The following CPNE9 variants were observed in gnomAD, a reference collection of about 807,000 sequenced individuals.
CPNE9 encodes copine-9.
CPNE9 carries 59 observed loss-of-function variants against 83.0 expected under a neutral mutation model. The ratio of observed to expected loss-of-function variants is 0.71; its 90% confidence interval spans 0.58 to 0.88. The LOEUF is 0.88. CPNE9 is among the 40% of genes least tolerant of loss of function. The probability of loss-of-function intolerance (pLI) is 0.00; values close to 1 mark genes in which losing one functional copy is unlikely to be tolerated. For missense variants in CPNE9, 619 were observed against 720.8 expected (o/e 0.86, Z 1.62); for synonymous variants, 256 against 273.4 (o/e 0.94, Z 0.63).
In CPNE9 at chr3:9,718,509, T is replaced by C. The variant is rs2076706232; in HGVS notation, c.1148T>C (p.Ile383Thr). ...NNDEDPNCAGIEGVLESYFQS... is the reference protein window; with the variant it reads ...NNDEDPNCAGTEGVLESYFQS... ...GATGAGGACCCCAACTGTGCGGGCA[T>C]CGAGGGTGTGCTGGAGAGCTATTTC... The change falls in exon 17 of 21, where the codon ATC becomes ACC. Residue 383 changes from isoleucine to threonine, a missense_variant. Physicochemically the swap from Ile to Thr is moderately conservative, Grantham distance 89. This residue lies in a region of CPNE9 where 438 missense variants were observed against 562.9 expected (regional missense o/e 0.78). Coordinates refer to ENST00000383832, the MANE Select transcript of CPNE9 (RefSeq NM_153635.3). 7 of 1,613,616 alleles carry C rather than the reference T, an allele frequency of 4.3e-6. No homozygotes were observed. The highest frequency in any genetic ancestry group is 5.9e-6 in the Non-Finnish European group (7 of 1,179,972).
chr3:9,709,023 C>T (rs187643475), intron 7 of CPNE9, among the ~76,000 whole-genome samples: 5 of 151,214 alleles, frequency 3.3e-5, no homozygotes, highest in Admixed American at 2.6e-4. Flanking sequence ...CCTGTAATCC[C>T]AGCACTTTGG....
At chr3:9,708,742 C>T (rs1272975589) in intron 7 of CPNE9, among the ~76,000 whole-genome samples, 2 of 152,036 alleles carry the variant, frequency 1.3e-5, no homozygotes, top group East Asian at 3.9e-4. Flanking sequence ...ACGCCATTCT[C>T]CTGCCTCAGC....
chr3:9,719,300 A>T (rs1302250320), intron 17 of CPNE9, among the ~76,000 whole-genome samples: 1 of 152,146 alleles, frequency 6.6e-6, no homozygotes, highest in Non-Finnish European at 1.5e-5. Flanking sequence ...ATACTGAGGG[A>T]TGACTGTACC....
intron 17 of CPNE9, among the ~76,000 whole-genome samples, chr3:9,723,889 C>T (rs554173452): frequency 3.3e-5 from 5 of 152,244 alleles, no homozygotes; most frequent in Non-Finnish European, 4.4e-5. Flanking sequence ...CCTTTCCTCA[C>T]ATTTTGAGAT....
At chr3:9,720,047 G>T (rs1211031633) in intron 17 of CPNE9, among the ~76,000 whole-genome samples, 1 of 149,864 alleles carries the variant, frequency 6.7e-6, no homozygotes, top group Non-Finnish European at 1.5e-5. Context: ...ACAAACCAAA[G>T]AAAACCCAGA....
At chr3:9,722,411 C>A (rs1271231410) in intron 17 of CPNE9, among the ~76,000 whole-genome samples, 1 of 152,172 alleles carries the variant, frequency 6.6e-6, no homozygotes, top group African/African-American at 2.4e-5. Context: ...CAGCTAACTT[C>A]CAGATAAAAA....
At chr3:9,725,557 T>C (rs1439625953) in intron 17 of CPNE9, among the ~76,000 whole-genome samples, 1 of 148,582 alleles carries the variant, frequency 6.7e-6, no homozygotes, top group Non-Finnish European at 1.5e-5. Context: ...AAACAAAAAA[T>C]GTGTGTGTAT....
At chr3:9,719,935 G>A (rs2076719417) in intron 17 of CPNE9, among the ~76,000 whole-genome samples, 2 of 149,738 alleles carry the variant, frequency 1.3e-5, no homozygotes, top group Admixed American at 6.6e-5. Flanking sequence ...AGGGTGCAGT[G>A]AGCCGAGATC....
chr3:9,725,264 G>A (rs2076766958), intron 17 of CPNE9, among the ~76,000 whole-genome samples: 1 of 152,130 alleles, frequency 6.6e-6, no homozygotes, highest in Non-Finnish European at 1.5e-5. Context: ...ACCAGGCACG[G>A]TGGCTCATGC....
At chr3:9,727,397 A>G in intron 20 of CPNE9, 1 of 717,784 alleles carries the variant, frequency 1.4e-6, no homozygotes, top group Non-Finnish European at 2.6e-6. Flanking sequence ...GGAGGTCCCC[A>G]AGGCCCCTGC....
At position 9,718,492 on chromosome 3, in the gene CPNE9, C is replaced by A. The variant is rs1165145512; in HGVS notation, c.1131C>A (p.Asp377Glu). ...HQFPLNNNDE[D>E]PNCAGIEGVL... ...TTTGACAGAACAACAATGATGAGGA[C>A]CCCAACTGTGCGGGCATCGAGGGTG... The change falls in exon 17 of 21, where the codon GAC becomes GAA. Residue 377 changes from aspartate (D) to glutamate (E), a missense_variant. Coordinates refer to ENST00000383832, the MANE Select transcript of CPNE9 (RefSeq NM_153635.3). The A allele has an allele frequency of 6.2e-7, 1 of 1,613,274 alleles. No individual in the cohort carries two copies. Among genetic ancestry groups the A allele is most frequent in the Non-Finnish European group, 8.5e-7 (1 of 1,179,858 alleles).
chr3:9,726,252 T>A (rs918822691), intron 18 of CPNE9, among the ~76,000 whole-genome samples: 2 of 152,154 alleles, frequency 1.3e-5, no homozygotes, highest in Non-Finnish European at 2.9e-5. Context: ...TTTGCTTGAA[T>A]TCTCTAAGTC....
In CPNE9 at chr3:9,726,646, C is replaced by T. The variant is rs377194361; in HGVS notation, c.1345-19C>T. 6.2e-7 allele frequency: 1 copy of T among 1,607,478 alleles called. No individual in the cohort carries two copies. The highest frequency in any genetic ancestry group is 1.3e-5 in the African/African-American group (1 of 74,696). On this transcript the variant is annotated intron_variant, in intron 18 of 20. Coordinates refer to ENST00000383832, the MANE Select transcript of CPNE9 (RefSeq NM_153635.3). ...GTGATGCCTGCTTGCCCCAACAGTT[C>T]ACCCTCTTTCCCCTACAGGCCTCCT...
At chr3:9,716,069 C>CAGA in intron 14 of CPNE9, 34 bp downstream of exon 14, 1 of 1,582,480 alleles carries the variant, frequency 6.3e-7, no homozygotes, top group Non-Finnish European at 8.6e-7. Context: ...GCTGAAAGCC[C>CAGA]GGCAATAAAT....
rs1321165901 is a variant in CPNE9, at chr3:9,718,555, G to T, written c.1194G>T (p.Gln398His). 1 of 1,613,648 alleles carries T rather than the reference G, an allele frequency of 6.2e-7. No homozygotes were observed. Among genetic ancestry groups the T allele is most frequent in the Admixed American group, 1.7e-5 (1 of 60,018 alleles). ...ATTTCCAGAGCCTGCGCACAGTGCA[G>T]CTCTATGGGCCCACCTACTTTGCTC... is the stretch of plus-strand genomic sequence containing the variant. ...ESYFQSLRTV[Q>H]LYGPTYFAPV... Residue 398 changes from glutamine to histidine, a missense_variant, in exon 17 of 21, where the codon CAG (glutamine) becomes CAT (histidine). By Grantham distance (24) the Gln-to-His change is conservative. Around this residue, in one of 3 missense-constraint regions of CPNE9, gnomAD observed 438 missense variants for 562.9 expected, o/e 0.78. Transcript: ENST00000383832.
At position 9,723,290 on chromosome 3, in the gene CPNE9, G is replaced by A. The variant is rs578238528; in HGVS notation, c.1242-2659G>A. On this transcript the variant is annotated intron_variant, in intron 17 of 20. Coordinates refer to ENST00000383832, the MANE Select transcript of CPNE9 (RefSeq NM_153635.3). Reference sequence around the variant, plus strand: ...AGTTCAAGACCAGCATGGACAACATGGTGAAACCCCGTCTCTACTAGCAAT... The same window carrying A: ...AGTTCAAGACCAGCATGGACAACATAGTGAAACCCCGTCTCTACTAGCAAT... Among the ~76,000 whole-genome samples the A allele has an allele frequency of 2.6e-5, 4 of 152,232 alleles. No homozygotes were observed. The East Asian group carries it at 7.7e-4, about 29-fold the overall frequency.
intron 20 of CPNE9, among the ~76,000 whole-genome samples, chr3:9,729,085 G>A (rs2076807922): frequency 6.6e-6 from 1 of 152,306 alleles, no homozygotes; most frequent in South Asian, 2.1e-4. Flanking sequence ...AATGGTGGTG[G>A]GAGGGGGGAG....
chr3:9,706,264 C>CTT (rs367590171), intron 7 of CPNE9, among the ~76,000 whole-genome samples: 25 of 145,668 alleles, frequency 1.7e-4, no homozygotes, highest in African/African-American at 6.1e-4. Flanking sequence ...CTTTTCTTTT[C>CTT]TTTTTTTTTT....
chr3:9,715,516 A>G lies in CPNE9; in HGVS notation c.812A>G (p.Asn271Ser), dbSNP rs188386953. ...AAATGTAAGAAGAAGAAATATGTCAACTCAGGAACTGTGAGTGCTCCCTAG... is the reference window on the plus strand; with the variant it reads ...AAATGTAAGAAGAAGAAATATGTCAGCTCAGGAACTGTGAGTGCTCCCTAG... ...RKKCKKKKYVNSGTVTLLSFS... is the reference protein window; with the variant it reads ...RKKCKKKKYVSSGTVTLLSFS... Residue 271 changes from asparagine (N) to serine (S), a missense_variant, in exon 13 of 21, where the codon AAC (asparagine) becomes AGC (serine). Around this residue, in one of 3 missense-constraint regions of CPNE9, gnomAD observed 438 missense variants for 562.9 expected, o/e 0.78. Transcript: ENST00000383832. The G allele has an allele frequency of 1.4e-4, 218 of 1,613,778 alleles. 1 individual carries two copies. The highest frequency in any genetic ancestry group is 1.6e-4 in the Non-Finnish European group (194 of 1,179,728).
Sources: allele counts gnomAD v4.1 joint callset (sites outside exome capture counted in the v4.1 genomes callset), GRCh38; gene constraint gnomAD v4.1.1; regional missense constraint gnomAD v4.1.1; transcripts MANE v1.5; gene names NCBI Gene and HGNC (gene_info 2026-07-23, HGNC 2026-07-21).